The following IMP4 variants were observed in gnomAD, a reference collection of about 807,000 sequenced individuals.
The protein encoded by IMP4 is IMP U3 small nucleolar ribonucleoprotein 4, also known as U3 small nucleolar ribonucleoprotein IMP4.
In IMP4, 30 loss-of-function variants were observed where a neutral mutation model predicts 42.7. That is an observed-to-expected ratio of 0.70 (90% CI 0.53 to 0.95). The LOEUF (loss-of-function observed/expected upper bound fraction) is 0.95, where lower values mean the gene tolerates loss of function less well. Among genes scored for constraint, IMP4 ranks in the 40% least tolerant of loss-of-function variants. The pLI, the probability that IMP4 is intolerant of heterozygous loss-of-function variation, is 0.00. For missense variants in IMP4, 382 were observed against 411.4 expected, an observed-to-expected ratio of 0.93 and a Z score of 0.62; for synonymous variants, 165 against 165.2, an observed-to-expected ratio of 1.00 and a Z score of 0.01.
intron 1 of IMP4, 48 bp downstream of exon 1, chr2:130,342,983 T>A (rs750078808): frequency 2.5e-6 from 4 of 1,613,932 alleles, no homozygotes; most frequent in Non-Finnish European, 3.4e-6. Context: ...CGTGAAGTGC[T>A]GGGGATGTGG....
chr2:130,346,480 A>T lies in IMP4; in HGVS notation c.*12A>T, dbSNP rs1297797896. ...TGAGCACCGAGTGAGCACACTCACCACTCAGTCAGGACATGGACTTGGAAC... is the reference window on the plus strand; with the variant it reads ...TGAGCACCGAGTGAGCACACTCACCTCTCAGTCAGGACATGGACTTGGAAC... On this transcript the variant is annotated 3_prime_UTR_variant, in exon 9 of 9. Coordinates refer to ENST00000259239, the MANE Select transcript of IMP4 (RefSeq NM_033416.3). 5.9e-6 allele frequency: 9 copies of T among 1,531,296 alleles called. No individual in the cohort carries two copies. The Admixed American group carries it at 1.6e-4, about 27-fold the overall frequency. The allele number at this position is 1,531,296 out of a possible 1,614,324, so 94.9% of individuals were successfully genotyped here.
In IMP4 at chr2:130,345,687, C is replaced by T; in HGVS notation, c.427C>T (p.Arg143Trp). 2 of 1,613,800 alleles carry T rather than the reference C, an allele frequency of 1.2e-6. No homozygotes were observed. The highest frequency in any genetic ancestry group is 1.7e-6 in the Non-Finnish European group (2 of 1,180,024). The part of the protein sequence containing the change: ...VTDLLVVHEH[R>W]GTPVGLIVSH... ...CGATCTGCTGGTCGTTCACGAGCAT[C>T]GGGGCACACCTGGTAAGGCCGGAGG... Residue 143 changes from arginine to tryptophan, a missense_variant, in exon 5 of 9, where the codon CGG becomes TGG. Transcript: ENST00000259239. The surrounding 1 kb of genome is among the most constrained non-coding windows in gnomAD (Gnocchi z 4.9).
At chr2:130,343,440 C>CT in intron 2 of IMP4, 3 of 690,788 alleles carry the variant, frequency 4.3e-6, no homozygotes, top group South Asian at 3.0e-5. Context: ...GTTTTAAAGA[C>CT]TTTATCTTGT....
chr2:130,344,388 T>C (rs1043422531), intron 2 of IMP4, among the ~76,000 whole-genome samples: 2 of 152,022 alleles, frequency 1.3e-5, no homozygotes, highest in African/African-American at 4.8e-5. Flanking sequence ...ATACAGTACA[T>C]TAAGATATTT....
intron 2 of IMP4, among the ~76,000 whole-genome samples, chr2:130,343,960 G>A (rs910123624): frequency 1.3e-5 from 2 of 152,160 alleles, no homozygotes; most frequent in African/African-American, 2.4e-5. Context: ...CGTGACCAAC[G>A]GTTTTGCTGT....
In IMP4 at chr2:130,347,617, G is replaced by C. The variant is rs1679674916; in HGVS notation, c.*1149G>C. ...TAGGTCCTGAGGACTCTGCCCTCTT[G>C]CATAGAATTAGTGCTCTTATAAAAG... On this transcript the variant is annotated 3_prime_UTR_variant, in exon 9 of 9. Transcript: ENST00000259239. The C allele has an allele frequency of 6.6e-6, 1 of 152,186 alleles. No individual in the cohort carries two copies. Among genetic ancestry groups the C allele is most frequent in the South Asian group, 2.1e-4 (1 of 4,834 alleles). The allele number at this position is 152,186 out of a possible 1,614,324, so 9.4% of individuals were successfully genotyped here. A position where few individuals can be genotyped will look rare whatever the true frequency, so the allele number is the denominator to read the frequency against.
rs149934112 is a variant in IMP4 at position 130,346,274 on chromosome 2, C to A, written c.763C>A (p.Leu255Met). The A allele has an allele frequency of 5.6e-6, 9 of 1,614,012 alleles. No individual in the cohort carries two copies. The highest frequency in any genetic ancestry group is 1.1e-5 in the South Asian group (1 of 91,062). The change falls in exon 8 of 9, where the codon CTG becomes ATG. Residue 255 changes from leucine to methionine, a missense_variant and splice_region_variant. Physicochemically the swap from Leu to Met is conservative, Grantham distance 15. Coordinates refer to ENST00000259239, the MANE Select transcript of IMP4 (RefSeq NM_033416.3). ...GGTCGGGCCCCGCTTTGAGCTGAAGCGTGAGTTTGAGGCTGAATCCCGTGT... is the reference window on the plus strand; with the variant it reads ...GGTCGGGCCCCGCTTTGAGCTGAAGAGTGAGTTTGAGGCTGAATCCCGTGT... ...TEVGPRFELK[L>M]YMIRLGTLEQ...
Position 130,346,084 on chromosome 2 carries a change from G to A in IMP4, c.661G>A (p.Ala221Thr), listed in dbSNP as rs371172186. 37 of 1,614,050 alleles carry A rather than the reference G, an allele frequency of 2.3e-5. No homozygotes were observed. In the African/African-American group the frequency reaches 3.6e-4, roughly 16 times the overall value. ...KDDSHRVITF[A>T]NQDDYISFRH... ...TGACAGCCACCGGGTCATCACCTTC[G>A]CAAACCAGGACGACTACATATCATT... The change falls in exon 7 of 9, where the codon GCA becomes ACA. Residue 221 changes from alanine to threonine, a missense_variant. Ala to Thr is a moderately conservative substitution (Grantham distance 58). Coordinates refer to ENST00000259239, the MANE Select transcript of IMP4 (RefSeq NM_033416.3).
Position 130,345,312 on chromosome 2 carries a change from C to A in IMP4, c.197-64C>A. On this transcript the variant is annotated intron_variant, in intron 3 of 8. Transcript: ENST00000259239. The surrounding 1 kb of genome is among the most constrained non-coding windows in gnomAD (Gnocchi z 4.9). ...GACAGCGACATCCAGGCGGTCTTGG[C>A]TGCCCCGAAGTTAGCATTTCATTCC... 1 of 1,318,646 alleles carries A rather than the reference C, an allele frequency of 7.6e-7. No homozygotes were observed. 81.7% of individuals were successfully genotyped at this position (1,318,646 alleles called of 1,614,324 possible).
chr2:130,345,103 G>A lies in IMP4; in HGVS notation c.197-273G>A. The stretch of plus-strand genomic sequence containing the variant: ...TTGTCACCGTTGGCCTTAGCAGAGT[G>A]TGGATTTCGTTGTGTAATGGAGTAG... On this transcript the variant is annotated intron_variant, in intron 3 of 8. Coordinates refer to ENST00000259239, the MANE Select transcript of IMP4 (RefSeq NM_033416.3). The surrounding 1 kb of genome is among the most constrained non-coding windows in gnomAD (Gnocchi z 4.9). 1 of 567,310 alleles carries A rather than the reference G, an allele frequency of 1.8e-6. No homozygotes were observed. The highest frequency in any genetic ancestry group is 3.2e-6 in the Non-Finnish European group (1 of 316,714). 35.1% of individuals were successfully genotyped at this position (567,310 alleles called of 1,614,324 possible). A position where few individuals can be genotyped will look rare whatever the true frequency, so the allele number is the denominator to read the frequency against.
At chr2:130,344,319 G>T (rs1426968512) in intron 2 of IMP4, among the ~76,000 whole-genome samples, 1 of 150,644 alleles carries the variant, frequency 6.6e-6, no homozygotes, top group Non-Finnish European at 1.5e-5. Flanking sequence ...GACAGAGCGA[G>T]ACTCCGTCTC....
chr2:130,344,731 C>A lies in IMP4; in HGVS notation c.196+19C>A, dbSNP rs1230933377. 1.3e-6 allele frequency: 2 copies of A among 1,558,268 alleles called. No individual in the cohort carries two copies. Among genetic ancestry groups the A allele is most frequent in the Non-Finnish European group, 1.8e-6 (2 of 1,129,424 alleles). ...GGTGAAGGTAACTATACAAGGTAGC[C>A]CTCCCCAACACTGAGCTGGCAGGTC... On this transcript the variant is annotated intron_variant, in intron 3 of 8. Transcript: ENST00000259239.
rs1167525950 is a variant in IMP4, at chr2:130,346,226, C to G, written c.715C>G (p.His239Asp). Residue 239 changes from histidine to aspartate, a missense_variant, in exon 8 of 9, where the codon CAC becomes GAC. His to Asp is a moderately conservative substitution (Grantham distance 81). Coordinates refer to ENST00000259239, the MANE Select transcript of IMP4 (RefSeq NM_033416.3). ...FRHHVYKKTD[H>D]RNVELTEVGP... ...GCACCATGTGTATAAGAAGACAGACCACCGCAACGTGGAGCTCACTGAGGT... is the reference window on the plus strand; with the variant it reads ...GCACCATGTGTATAAGAAGACAGACGACCGCAACGTGGAGCTCACTGAGGT... The G allele has an allele frequency of 6.2e-7, 1 of 1,614,154 alleles. No homozygotes were observed. The highest frequency in any genetic ancestry group is 1.7e-5 in the Admixed American group (1 of 60,022).
chr2:130,347,829 G>A lies in IMP4; in HGVS notation c.*1361G>A, dbSNP rs1679692815. 6.6e-6 allele frequency: 1 copy of A among 152,482 alleles called. No homozygotes were observed. Among genetic ancestry groups the A allele is most frequent in the Non-Finnish European group, 1.5e-5 (1 of 68,252 alleles). The allele number at this position is 152,482 out of a possible 1,614,324, so 9.4% of individuals were successfully genotyped here. A position where few individuals can be genotyped will look rare whatever the true frequency, so the allele number is the denominator to read the frequency against. On this transcript the variant is annotated 3_prime_UTR_variant, in exon 9 of 9. Coordinates refer to ENST00000259239, the MANE Select transcript of IMP4 (RefSeq NM_033416.3). ...TAAGCTACCCAGTCTGTGGTATTTT[G>A]TTAGAACAGCCCAAGTTGAGACAGA...
chr2:130,342,964 T>G, intron 1 of IMP4, 29 bp downstream of exon 1: 1 of 1,613,810 alleles, frequency 6.2e-7, no homozygotes, highest in Non-Finnish European at 8.5e-7. Flanking sequence ...GTTTCGGAGG[T>G]CCGGGGCGCG....
intron 2 of IMP4, among the ~76,000 whole-genome samples, chr2:130,344,296 G>T (rs1679334314): frequency 1.3e-5 from 2 of 151,764 alleles, no homozygotes; most frequent in African/African-American, 2.4e-5. Context: ...CCACTGCACT[G>T]CTCTGCCTGG....
rs1679651035 is a variant in IMP4 at position 130,347,254 on chromosome 2, A to G, written c.*786A>G. The G allele has an allele frequency of 1.3e-5, 2 of 152,272 alleles. No homozygotes were observed. The highest frequency in any genetic ancestry group is 6.5e-5 in the Admixed American group (1 of 15,278). The allele number at this position is 152,272 out of a possible 1,614,324, so 9.4% of individuals were successfully genotyped here. A position where few individuals can be genotyped will look rare whatever the true frequency, so the allele number is the denominator to read the frequency against. On this transcript the variant is annotated 3_prime_UTR_variant, in exon 9 of 9. Coordinates refer to ENST00000259239, the MANE Select transcript of IMP4 (RefSeq NM_033416.3). ...ATTTTTAATTTTTTGAGGAACCGCC[A>G]TACTGTTTTCCATAAAGGCTGTACT...
rs1421470343 is a variant in IMP4, at chr2:130,347,756, C to T, written c.*1288C>T. 1 of 153,624 alleles carries T rather than the reference C, an allele frequency of 6.5e-6. No individual in the cohort carries two copies. The allele number at this position is 153,624 out of a possible 1,614,324, so 9.5% of individuals were successfully genotyped here. A position where few individuals can be genotyped will look rare whatever the true frequency, so the allele number is the denominator to read the frequency against. On this transcript the variant is annotated 3_prime_UTR_variant, in exon 9 of 9. Coordinates refer to ENST00000259239, the MANE Select transcript of IMP4 (RefSeq NM_033416.3). The stretch of plus-strand genomic sequence containing the variant: ...ACACTGAATCTGCTGGAGCCACCAT[C>T]TTGGACTTCCCAGCCTCCAGAGCTG...
rs1007739997 is a variant in IMP4 at position 130,347,231 on chromosome 2, T to G, written c.*763T>G. ...TTGCTGCATCAAATGGTGGTTCTAT[T>G]TTTAATTTTTTGAGGAACCGCCATA... On this transcript the variant is annotated 3_prime_UTR_variant, in exon 9 of 9. Coordinates refer to ENST00000259239, the MANE Select transcript of IMP4 (RefSeq NM_033416.3). The G allele has an allele frequency of 2.0e-5, 3 of 152,250 alleles. No individual in the cohort carries two copies. Among genetic ancestry groups the G allele is most frequent in the Non-Finnish European group, 2.9e-5 (2 of 68,074 alleles). The allele number at this position is 152,250 out of a possible 1,614,324, so 9.4% of individuals were successfully genotyped here.
Sources: gnomAD v4.1 joint callset for allele counts (sites outside exome capture counted in the v4.1 genomes callset) on GRCh38, gnomAD v4.1.1 for gene constraint, Gnocchi (gnomAD v3.1) non-coding constraint, MANE v1.5 for transcripts, NCBI Gene and HGNC (gene_info 2026-07-23, HGNC 2026-07-21) for gene names.